Variants in BRAF observed in about 807,000 individuals in gnomAD.
BRAF encodes serine/threonine-protein kinase B-raf.
Under a neutral mutation model 104.6 loss-of-function variants are expected in BRAF, and 16 were observed. The observed-to-expected ratio is 0.15, with a 90% CI of 0.10 to 0.23. The LOEUF is 0.23. Ranked by LOEUF, BRAF falls within the 10% of genes least tolerant of loss-of-function variation. The pLI is 1.00. For synonymous variants in BRAF, 310 were observed against 341.6 expected, an observed-to-expected ratio of 0.91 and a Z score of 1.02; for missense variants, 541 against 937.3, an observed-to-expected ratio of 0.58 and a Z score of 5.52.
At chr7:140,748,169 A>G (rs1266309965) in intron 17 of BRAF, among the ~76,000 whole-genome samples, 1 of 152,224 alleles carries the variant, frequency 6.6e-6, no homozygotes, top group East Asian at 1.9e-4. Flanking sequence ...CGATATCACA[A>G]TAGGTGAAGT....
intron 14 of BRAF, among the ~76,000 whole-genome samples, chr7:140,772,339 T>C (rs929442812): frequency 1.3e-5 from 2 of 151,904 alleles, no homozygotes; most frequent in Non-Finnish European, 2.9e-5. Flanking sequence ...GTACTGAAAA[T>C]AGGCCGGGCC....
intron 14 of BRAF, among the ~76,000 whole-genome samples, chr7:140,774,624 C>A (rs989776212): frequency 1.3e-5 from 2 of 152,198 alleles, no homozygotes; most frequent in Admixed American, 1.3e-4. Context: ...TCAAGTGATC[C>A]TCCCAACTCA....
At chr7:140,872,676 G>A (rs1027065936) in intron 1 of BRAF, among the ~76,000 whole-genome samples, 13 of 152,122 alleles carry the variant, frequency 8.5e-5, no homozygotes, top group African/African-American at 1.4e-4. Context: ...GCAACATAGC[G>A]AGACCTCATC....
chr7:140,865,507 G>A (rs1045880303), intron 1 of BRAF, among the ~76,000 whole-genome samples: 3 of 152,264 alleles, frequency 2.0e-5, no homozygotes, highest in Non-Finnish European at 2.9e-5. Context: ...GGCAGGTAGC[G>A]GGCATTTTGT....
intron 8 of BRAF, among the ~76,000 whole-genome samples, chr7:140,790,343 T>C (rs1801827209): frequency 6.6e-6 from 1 of 152,168 alleles, no homozygotes; most frequent in African/African-American, 2.4e-5. Context: ...TTCTACTCAT[T>C]CTAGGTTACA....
At chr7:140,850,255 A>G (rs1274598703) in intron 1 of BRAF, 43 bp from the exon 2 acceptor site, 4 of 1,422,032 alleles carry the variant, frequency 2.8e-6, no homozygotes, top group Admixed American at 1.7e-5. Flanking sequence ...ATCACTTAGT[A>G]TATGAATTAG....
Position 140,721,558 on chromosome 7 carries a change from C to T in BRAF, c.*4936G>A. On this transcript the variant is annotated 3_prime_UTR_variant, in exon 20 of 20. Coordinates refer to ENST00000644969, the MANE Select transcript of BRAF (RefSeq NM_001374258.1). ...GTATTTTTAATTTTACCAGAGCTAG[C>T]AACATGGACCACAGATATACTGGTG... The T allele has an allele frequency of 6.7e-7, 1 of 1,490,406 alleles. No homozygotes were observed. The highest frequency in any genetic ancestry group is 8.9e-7 in the Non-Finnish European group (1 of 1,125,690). The allele number at this position is 1,490,406 out of a possible 1,614,324, so 92.3% of individuals were successfully genotyped here.
intron 19 of BRAF, among the ~76,000 whole-genome samples, chr7:140,727,695 A>G (rs6962426): frequency 0.12 from 18,304 of 151,622 alleles, 1,298 homozygotes; most frequent in African/African-American, 0.2. Context: ...ATCTCGGCTC[A>G]CTGCAAGCCC....
chr7:140,831,629 T>C (rs757387803), intron 3 of BRAF, among the ~76,000 whole-genome samples: 2 of 152,210 alleles, frequency 1.3e-5, no homozygotes, highest in African/African-American at 2.4e-5. Flanking sequence ...ATGTGCAATG[T>C]AAGGCTATAC....
chr7:140,741,591 TTATC>T, intron 17 of BRAF: 1 of 152,288 alleles, frequency 6.6e-6, no homozygotes, highest in East Asian at 1.9e-4. Context: ...GATATGTATC[TTATC>T]TAAGTTCTCC....
At chr7:140,755,028 T>G (rs1798087256) in intron 14 of BRAF, among the ~76,000 whole-genome samples, 1 of 152,140 alleles carries the variant, frequency 6.6e-6, no homozygotes, top group South Asian at 2.1e-4. Flanking sequence ...TTGTTGTTTT[T>G]GGGGAGACAA....
chr7:140,892,874 C>A (rs911150649), intron 1 of BRAF, among the ~76,000 whole-genome samples: 2 of 152,178 alleles, frequency 1.3e-5, no homozygotes, highest in Non-Finnish European at 2.9e-5. Context: ...GAACTGATCA[C>A]TTTTAATTTT....
chr7:140,858,143 T>C (rs1185126580), intron 1 of BRAF, among the ~76,000 whole-genome samples: 1 of 152,100 alleles, frequency 6.6e-6, no homozygotes, highest in African/African-American at 2.4e-5. Flanking sequence ...ACTTACATAG[T>C]GCCAAAGTAT....
chr7:140,726,718 C>T (rs1031678944), intron 19 of BRAF, among the ~76,000 whole-genome samples: 25 of 152,256 alleles, frequency 1.6e-4, no homozygotes, highest in South Asian at 2.1e-4. Flanking sequence ...TGGTTCAGCT[C>T]TATCAATTAA....
intron 3 of BRAF, among the ~76,000 whole-genome samples, chr7:140,827,401 C>G (rs1806178348): frequency 6.6e-6 from 1 of 152,168 alleles, no homozygotes; most frequent in South Asian, 2.1e-4. Context: ...CACTTCATGG[C>G]TTGAGGGTTC....
intron 1 of BRAF, among the ~76,000 whole-genome samples, chr7:140,860,114 G>GA (rs1810242900): frequency 6.6e-6 from 1 of 152,162 alleles, no homozygotes; most frequent in South Asian, 2.1e-4. Flanking sequence ...CATAGAGACA[G>GA]AAAGCCCAAA....
chr7:140,830,884 T>C (rs964289654), intron 3 of BRAF, among the ~76,000 whole-genome samples: 3 of 152,200 alleles, frequency 2.0e-5, no homozygotes, highest in African/African-American at 7.2e-5. Flanking sequence ...TCTTGTAACA[T>C]CCTTTATAGC....
In BRAF at chr7:140,765,827, T is replaced by C. The variant is rs900984905; in HGVS notation, c.1814+11085A>G. 8.9e-4 allele frequency among the ~76,000 whole-genome samples: 135 copies of C among 151,446 alleles called. 1 individual carries two copies. Among genetic ancestry groups the C allele is most frequent in the African/African-American group, 3.2e-3 (133 of 40,928 alleles). On this transcript the variant is annotated intron_variant, in intron 14 of 19. Transcript: ENST00000644969. ...AGGTGCTGGAGAGGATATGGAGAAA[T>C]AGGAACACTTTTACACTGTTGGTGG...
chr7:140,849,169 T>G (rs1808885971), intron 2 of BRAF, among the ~76,000 whole-genome samples: 1 of 152,166 alleles, frequency 6.6e-6, no homozygotes. Flanking sequence ...CTGTAGAGCC[T>G]TACCACCTAG....
Sources: gnomAD v4.1 joint callset for allele counts (sites outside exome capture counted in the v4.1 genomes callset) on GRCh38, gnomAD v4.1.1 for gene constraint, MANE v1.5 for transcripts, NCBI Gene and HGNC (gene_info 2026-07-23, HGNC 2026-07-21) for gene names.